The following EPB41L3 variants were observed in gnomAD, a reference collection of about 807,000 sequenced individuals.
EPB41L3 encodes erythrocyte membrane protein band 4.1 like 3, also known as band 4.1-like protein 3.
EPB41L3 carries 57 observed loss-of-function variants against 127.1 expected under a neutral mutation model. The observed-to-expected ratio is 0.45, with a 90% CI of 0.36 to 0.56. The LOEUF (loss-of-function observed/expected upper bound fraction) is 0.56, where lower values mean the gene tolerates loss of function less well. EPB41L3 is among the 20% of genes least tolerant of loss of function. The probability of loss-of-function intolerance (pLI) is 0.00; values close to 1 mark genes in which losing one functional copy is unlikely to be tolerated. For synonymous variants in EPB41L3, 572 were observed against 549.5 expected (o/e 1.04, Z -0.57); for missense variants, 1,273 against 1,372.2 (o/e 0.93, Z 1.14).
At chr18:5,481,774 G>A (rs936406877) in intron 2 of EPB41L3, among the ~76,000 whole-genome samples, 1 of 151,196 alleles carries the variant, frequency 6.6e-6, no homozygotes, top group African/African-American at 2.5e-5. Flanking sequence ...ATCCCACATT[G>A]CCAGGATAAT....
chr18:5,490,601 C>A (rs552257712), intron 1 of EPB41L3, among the ~76,000 whole-genome samples: 2 of 152,224 alleles, frequency 1.3e-5, no homozygotes, highest in South Asian at 2.1e-4. Context: ...ATATAAATAT[C>A]GAGTCTGAAT....
At chr18:5,408,273 C>CTTTT (rs1208956534) in intron 14 of EPB41L3, among the ~76,000 whole-genome samples, 5 of 50,462 alleles carry the variant, frequency 9.9e-5, no homozygotes, top group South Asian at 6.8e-4. Flanking sequence ...TTTCTTTTTT[C>CTTTT]TTTTTTTTTT....
At chr18:5,435,728 A>G (rs1056021480) in intron 6 of EPB41L3, among the ~76,000 whole-genome samples, 26 of 152,340 alleles carry the variant, frequency 1.7e-4, no homozygotes, top group African/African-American at 6.3e-4. Context: ...AATTAGCCTT[A>G]TGGAAGTATT....
At chr18:5,605,815 C>T (rs542520530) in intron 3 of EPB41L3, among the ~76,000 whole-genome samples, 2 of 152,210 alleles carry the variant, frequency 1.3e-5, no homozygotes, top group East Asian at 3.9e-4. Context: ...AAGGCACACA[C>T]CAGATGCTGT....
intron 1 of EPB41L3, among the ~76,000 whole-genome samples, chr18:5,538,571 C>T (rs1433306552): frequency 2.0e-5 from 3 of 152,140 alleles, no homozygotes; most frequent in Non-Finnish European, 2.9e-5. Context: ...ACAAAAATGA[C>T]CAAAGAAGAG....
In EPB41L3 at chr18:5,569,276, T is replaced by C. The variant is rs187154335; in HGVS notation, c.-306+43064A>G. The stretch of plus-strand genomic sequence containing the variant: ...CTCCAGTATATTTAGCAAGTATTGG[T>C]ATTTATTATACAAACTTAATCCAAT... On this transcript the variant is annotated intron_variant, in intron 3 of 21. Coordinates refer to the EPB41L3 transcript ENST00000545076. 3.2e-3 allele frequency among the ~76,000 whole-genome samples: 493 copies of C among 152,346 alleles called. 4 individuals carry two copies. Among genetic ancestry groups the C allele is most frequent in the Non-Finnish European group, 3.6e-3 (247 of 68,036 alleles).
intron 9 of EPB41L3, among the ~76,000 whole-genome samples, chr18:5,426,183 A>T (rs1287759223): frequency 6.6e-6 from 1 of 152,022 alleles, no homozygotes; most frequent in Non-Finnish European, 1.5e-5. Flanking sequence ...TTCCATGTCT[A>T]AGGCCTTGAA....
chr18:5,547,751 T>C (rs1017754865), upstream of EPB41L3, among the ~76,000 whole-genome samples: 2 of 152,148 alleles, frequency 1.3e-5, no homozygotes, highest in Non-Finnish European at 2.9e-5. Flanking sequence ...CAAATGTCAA[T>C]AGAGTACTGA....
chr18:5,629,245 G>C (rs1386529053), upstream of EPB41L3, among the ~76,000 whole-genome samples: 1 of 152,096 alleles, frequency 6.6e-6, no homozygotes, highest in Non-Finnish European at 1.5e-5. Context: ...TGGTCGTGGG[G>C]GTACCGGGAG....
chr18:5,405,893 C>A (rs1418486325), intron 16 of EPB41L3, among the ~76,000 whole-genome samples: 1 of 151,608 alleles, frequency 6.6e-6, no homozygotes, highest in Non-Finnish European at 1.5e-5. Flanking sequence ...AAAAAAATTT[C>A]TGGCCACTAC....
chr18:5,406,838 G>C lies in EPB41L3; in HGVS notation c.2288C>G (p.Pro763Arg). The change falls in exon 16 of 23, where the codon CCC becomes CGC. Residue 763 changes from proline to arginine, a missense_variant. Transcript: ENST00000341928. The part of the protein sequence containing the change: ...NEWEKRLSTS[P>R]VRLAARQEDA... The stretch of plus-strand genomic sequence containing the variant: ...CTCCTGCCTGGCGGCCAGTCGCACG[G>C]GGGAGGTGGAAAGCCTCTTCTCCCA... 3.1e-6 allele frequency: 5 copies of C among 1,614,202 alleles called. No individual in the cohort carries two copies. The highest frequency in any genetic ancestry group is 4.2e-6 in the Non-Finnish European group (5 of 1,180,028).
chr18:5,452,792 G>A (rs1334725091), intron 3 of EPB41L3, among the ~76,000 whole-genome samples: 1 of 151,952 alleles, frequency 6.6e-6, no homozygotes, highest in African/African-American at 2.4e-5. Flanking sequence ...TTGTGTGTGT[G>A]TGTGTGTGTG....
intron 1 of EPB41L3, among the ~76,000 whole-genome samples, chr18:5,500,508 C>T (rs1250959501): frequency 1.3e-5 from 2 of 152,092 alleles, no homozygotes; most frequent in Non-Finnish European, 2.9e-5. Context: ...AAGGTTATGG[C>T]AAAAAACTCC....
intron 1 of EPB41L3, among the ~76,000 whole-genome samples, chr18:5,501,571 GT>G (rs918070740): frequency 7.2e-5 from 11 of 152,202 alleles, no homozygotes; most frequent in African/African-American, 2.4e-4. Context: ...ATGGAATTTG[GT>G]TTTCCCCACA....
chr18:5,583,236 T>C (rs377424934), intron 3 of EPB41L3, among the ~76,000 whole-genome samples: 7 of 152,288 alleles, frequency 4.6e-5, no homozygotes, highest in East Asian at 1.9e-4. Context: ...ACTCAACAGA[T>C]GGTAGTTTTC....
intron 1 of EPB41L3, among the ~76,000 whole-genome samples, chr18:5,510,854 A>C (rs1046299464): frequency 1.3e-5 from 2 of 152,190 alleles, no homozygotes; most frequent in Non-Finnish European, 2.9e-5. Flanking sequence ...AAAATCATTA[A>C]GTCTACATCA....
At chr18:5,429,117 A>G (rs1299211327) in intron 8 of EPB41L3, 6 of 152,240 alleles carry the variant, frequency 3.9e-5, no homozygotes, top group Non-Finnish European at 4.4e-5. Flanking sequence ...ATTTTCCCCA[A>G]CAACCGCCCT....
At chr18:5,480,023 G>A (rs1344567375) in intron 2 of EPB41L3, 1 of 151,538 alleles carries the variant, frequency 6.6e-6, no homozygotes, top group Non-Finnish European at 1.5e-5. Flanking sequence ...TCTCTTCATA[G>A]GCAAAGGTCA....
intron 3 of EPB41L3, among the ~76,000 whole-genome samples, chr18:5,454,227 T>A (rs1056997556): frequency 1.3e-5 from 2 of 150,576 alleles, no homozygotes; most frequent in East Asian, 1.9e-4. Context: ...TTTTTTTTTT[T>A]AATCCATACT....
Sources: allele counts gnomAD v4.1 joint callset (sites outside exome capture counted in the v4.1 genomes callset), GRCh38; gene constraint gnomAD v4.1.1; transcripts MANE v1.5; gene names NCBI Gene and HGNC (gene_info 2026-07-23, HGNC 2026-07-21).